NFYA: variants seen among roughly 807,000 people sequenced by gnomAD.
NFYA encodes CAAT-box DNA binding protein subunit A.
NFYA carries 28 observed loss-of-function variants against 52.8 expected under a neutral mutation model. The ratio of observed to expected loss-of-function variants is 0.53; its 90% CI spans 0.39 to 0.73. NFYA has a LOEUF of 0.73. Ranked by LOEUF, NFYA falls within the 30% of genes least tolerant of loss-of-function variation. NFYA has a pLI of 0.00. For missense variants in NFYA, 234 were observed against 427.0 expected (o/e 0.55, Z 3.98); for synonymous variants, 150 against 150.7 (o/e 1.00, Z 0.03).
chr6:41,094,626 CTTA>C (rs974122533), intron 9 of NFYA, 129 bp downstream of exon 9: 1 of 634,944 alleles, frequency 1.6e-6, no homozygotes, highest in African/African-American at 1.8e-5. Context: ...TGGATGCAAT[CTTA>C]TGTCTCTTTA....
chr6:41,092,826 A>G (rs1040787619), intron 7 of NFYA, 86 bp from the exon 8 acceptor site: 5 of 1,445,812 alleles, frequency 3.5e-6, no homozygotes, highest in Non-Finnish European at 4.7e-6. Flanking sequence ...GGCATTTACA[A>G]AAAAAATGGA....
At chr6:41,089,353 C>T (rs751849118) in intron 4 of NFYA, among the ~76,000 whole-genome samples, 3 of 152,114 alleles carry the variant, frequency 2.0e-5, no homozygotes, top group Non-Finnish European at 4.4e-5. Flanking sequence ...TCATAAAAAC[C>T]GACATTGATT....
intron 9 of NFYA, 38 bp downstream of exon 9, chr6:41,094,535 C>A (rs1561856797): frequency 6.5e-7 from 1 of 1,531,882 alleles, no homozygotes; most frequent in Non-Finnish European, 9.0e-7. Flanking sequence ...CTCTTTATTA[C>A]CTTGTATTGA....
intron 7 of NFYA, 80 bp from the exon 8 acceptor site, chr6:41,092,832 A>T (rs1331805502): frequency 6.9e-7 from 1 of 1,459,754 alleles, no homozygotes; most frequent in East Asian, 2.3e-5. Context: ...TACAAAAAAA[A>T]TGGATGAAGA....
chr6:41,094,590 T>G (rs1764296429), intron 9 of NFYA, 93 bp downstream of exon 9: 1 of 871,490 alleles, frequency 1.1e-6, no homozygotes, highest in Non-Finnish European at 1.9e-6. Flanking sequence ...ATTTTCCTAC[T>G]CTGGGACTAC....
rs143083850 is a variant in NFYA at position 41,091,698 on chromosome 6, A to G, written c.714+4A>G. 3 of 1,607,082 alleles carry G rather than the reference A, an allele frequency of 1.9e-6. No individual in the cohort carries two copies. The highest frequency in any genetic ancestry group is 2.5e-6 in the Non-Finnish European group (3 of 1,177,750). ...CAATTCAGGAGGGATGGTCATGGTAAGAAAATGTATTTTTCAGCTTTGTCT... is the reference window on the plus strand; with the variant it reads ...CAATTCAGGAGGGATGGTCATGGTAGGAAAATGTATTTTTCAGCTTTGTCT... On this transcript the variant is annotated splice_donor_region_variant and intron_variant, in intron 7 of 9. Coordinates refer to ENST00000341376, the MANE Select transcript of NFYA (RefSeq NM_002505.5).
At position 41,084,197 on chromosome 6, in the gene NFYA, G is replaced by A. The variant is rs1763981383; in HGVS notation, c.309+5G>A. 1 of 1,613,284 alleles carries A rather than the reference G, an allele frequency of 6.2e-7. No individual in the cohort carries two copies. The highest frequency in any genetic ancestry group is 1.1e-5 in the South Asian group (1 of 90,878). ...GGAACACAGGGTTTGCAGCAAGTGAGTAATATTTAAAAATATTGAGCAGTA... is the reference window on the plus strand; with the variant it reads ...GGAACACAGGGTTTGCAGCAAGTGAATAATATTTAAAAATATTGAGCAGTA... On this transcript the variant is annotated splice_donor_5th_base_variant and intron_variant, in intron 4 of 9. Coordinates refer to ENST00000341376, the MANE Select transcript of NFYA (RefSeq NM_002505.5).
At position 41,101,655 on chromosome 6, in the gene NFYA, T is replaced by G. The variant is rs1422757954; in HGVS notation, c.*4245T>G. Among the ~76,000 whole-genome samples, 1 of 152,154 alleles carries G rather than the reference T, an allele frequency of 6.6e-6. No homozygotes were observed. Among genetic ancestry groups the G allele is most frequent in the Non-Finnish European group, 1.5e-5 (1 of 68,044 alleles). On this transcript the variant is annotated 3_prime_UTR_variant, in exon 10 of 10. Coordinates refer to ENST00000341376, the MANE Select transcript of NFYA (RefSeq NM_002505.5). The stretch of plus-strand genomic sequence containing the variant: ...TCTGTGTCAGGGATATGAAGATGGG[T>G]AATACCAGGTGCCTGTCCTCACTGT...
chr6:41,084,206 A>G lies in NFYA; in HGVS notation c.309+14A>G. On this transcript the variant is annotated intron_variant, in intron 4 of 9. Transcript: ENST00000341376. The stretch of plus-strand genomic sequence containing the variant: ...GGTTTGCAGCAAGTGAGTAATATTT[A>G]AAAATATTGAGCAGTATATCAGAGG... 6.2e-7 allele frequency: 1 copy of G among 1,612,896 alleles called. No individual in the cohort carries two copies. Among genetic ancestry groups the G allele is most frequent in the Non-Finnish European group, 8.5e-7 (1 of 1,179,396 alleles).
At chr6:41,085,493 A>C (rs1200357950) in intron 4 of NFYA, among the ~76,000 whole-genome samples, 4 of 152,170 alleles carry the variant, frequency 2.6e-5, no homozygotes, top group Admixed American at 2.6e-4. Context: ...ATTCATAACC[A>C]ACCCCCCATG....
Position 41,099,688 on chromosome 6 carries a change from T to C in NFYA, c.*2278T>C, listed in dbSNP as rs1204227388. The stretch of plus-strand genomic sequence containing the variant: ...AGTGAATGGATGAATGAATAATTGG[T>C]TTAATGCCTAGTTATGCAACTTGAG... On this transcript the variant is annotated 3_prime_UTR_variant, in exon 10 of 10. Transcript: ENST00000341376. 1.3e-5 allele frequency: 2 copies of C among 152,058 alleles called. No individual in the cohort carries two copies. Among genetic ancestry groups the C allele is most frequent in the African/African-American group, 4.8e-5 (2 of 41,432 alleles). 9.4% of individuals were successfully genotyped at this position (152,058 alleles called of 1,614,324 possible). A position where few individuals can be genotyped will look rare whatever the true frequency, so the allele number is the denominator to read the frequency against.
intron 3 of NFYA, among the ~76,000 whole-genome samples, chr6:41,082,192 C>T (rs1763929769): frequency 6.6e-6 from 1 of 152,184 alleles, no homozygotes. Flanking sequence ...CACCCCTACC[C>T]CTGCCACCAA....
In NFYA at chr6:41,097,583, T is replaced by C. The variant is rs1358899732; in HGVS notation, c.*173T>C. On this transcript the variant is annotated 3_prime_UTR_variant, in exon 10 of 10. Coordinates refer to ENST00000341376, the MANE Select transcript of NFYA (RefSeq NM_002505.5). Reference sequence around the variant, plus strand: ...TACAATTGCAGCGATGCCTGGCAAATTGAAGTTGCAAGCCTTTGTCTTACT... The same window carrying C: ...TACAATTGCAGCGATGCCTGGCAAACTGAAGTTGCAAGCCTTTGTCTTACT... 2 of 626,918 alleles carry C rather than the reference T, an allele frequency of 3.2e-6. No homozygotes were observed. Among genetic ancestry groups the C allele is most frequent in the Non-Finnish European group, 5.6e-6 (2 of 359,170 alleles). 38.8% of individuals were successfully genotyped at this position (626,918 alleles called of 1,614,324 possible).
chr6:41,098,405 T>C lies in NFYA; in HGVS notation c.*995T>C, dbSNP rs1157745669. 1 of 152,228 alleles carries C rather than the reference T, an allele frequency of 6.6e-6. No individual in the cohort carries two copies. Among genetic ancestry groups the C allele is most frequent in the Admixed American group, 6.5e-5 (1 of 15,280 alleles). 9.4% of individuals were successfully genotyped at this position (152,228 alleles called of 1,614,324 possible). ...GAGAGGAAGAGAGAGAGAGAGCATG[T>C]ATACCCGTATGTTATCATAGAGCAC... On this transcript the variant is annotated 3_prime_UTR_variant, in exon 10 of 10. Transcript: ENST00000341376.
At chr6:41,086,480 C>T (rs1205151544) in intron 4 of NFYA, among the ~76,000 whole-genome samples, 1 of 152,126 alleles carries the variant, frequency 6.6e-6, no homozygotes, top group Non-Finnish European at 1.5e-5. Flanking sequence ...ATTCCATAGC[C>T]TCCCTTACAA....
At chr6:41,090,142 A>G (rs1764161593) in intron 5 of NFYA, 62 bp from the exon 6 acceptor site, 1 of 1,131,746 alleles carries the variant, frequency 8.8e-7, no homozygotes, top group South Asian at 1.3e-5. Context: ...TTTAAGGACT[A>G]CATCGTTCTT....
intron 7 of NFYA, 121 bp from the exon 8 acceptor site, chr6:41,092,789 AAG>A: frequency 1.1e-6 from 1 of 911,334 alleles, no homozygotes; most frequent in Admixed American, 2.7e-5. Context: ...GCATTTACCC[AAG>A]TACCCTATAA....
intron 9 of NFYA, among the ~76,000 whole-genome samples, chr6:41,096,473 T>C (rs1764360778): frequency 6.6e-6 from 1 of 152,238 alleles, no homozygotes; most frequent in Non-Finnish European, 1.5e-5. Context: ...ATACTGTTGA[T>C]ACTTCACAGC....
At chr6:41,084,485 G>T (rs182671713) in intron 4 of NFYA, among the ~76,000 whole-genome samples, 1 of 152,162 alleles carries the variant, frequency 6.6e-6, no homozygotes, top group East Asian at 1.9e-4. Flanking sequence ...ACAAAAATGA[G>T]TATTTAGAAA....
Sources: gnomAD v4.1 joint callset for allele counts (sites outside exome capture counted in the v4.1 genomes callset) on GRCh38, gnomAD v4.1.1 for gene constraint, MANE v1.5 for transcripts, NCBI Gene and HGNC (gene_info 2026-07-23, HGNC 2026-07-21) for gene names.